The following DLG1 variants were observed in gnomAD, a reference collection of about 807,000 sequenced individuals.
The protein encoded by DLG1 is discs large MAGUK scaffold protein 1.
In DLG1, 42 loss-of-function variants were observed where a neutral mutation model predicts 123.4. That is an observed-to-expected ratio of 0.34 (90% CI 0.27 to 0.44). The LOEUF (loss-of-function observed/expected upper bound fraction) is 0.44. Ranked by LOEUF, DLG1 falls within the 20% of genes least tolerant of loss-of-function variation. The probability of loss-of-function intolerance (pLI) is 1.00; values close to 1 mark genes in which losing one functional copy is unlikely to be tolerated. For missense variants in DLG1, 942 were observed against 1,082.6 expected (o/e 0.87, Z 1.82); for synonymous variants, 317 against 356.2 (o/e 0.89, Z 1.24).
At chr3:197,243,466 C>T (rs1749996265) in intron 4 of DLG1, among the ~76,000 whole-genome samples, 2 of 152,134 alleles carry the variant, frequency 1.3e-5, no homozygotes, top group African/African-American at 4.8e-5. Flanking sequence ...CTGTTCCTCA[C>T]TGTCTAGAAG....
chr3:197,196,714 A>T (rs977456805), intron 4 of DLG1, among the ~76,000 whole-genome samples: 3 of 152,242 alleles, frequency 2.0e-5, no homozygotes, highest in African/African-American at 7.2e-5. Context: ...CACAGAAGTT[A>T]AACTGACCAA....
Position 197,085,606 on chromosome 3 carries a change from C to T in DLG1, c.1812G>A (p.Glu604=). The T allele has an allele frequency of 6.2e-7, 1 of 1,613,956 alleles. No individual in the cohort carries two copies. The highest frequency in any genetic ancestry group is 8.5e-7 in the Non-Finnish European group (1 of 1,179,980). The change falls in exon 16 of 25, where the codon GAG becomes GAA. Residue 604 remains glutamate (E), a synonymous_variant. Coordinates refer to ENST00000667157, the MANE Select transcript of DLG1 (RefSeq NM_001366207.1). ...TGCGTTTACTGGGAATCACTCCGAC[C>T]TCATCGCTCTCACCATCTGGTGTAA... is the stretch of plus-strand genomic sequence containing the variant. ...RQVTPDGESD[E]VGVIPSKRRV...
intron 3 of DLG1, among the ~76,000 whole-genome samples, chr3:197,286,732 C>T (rs1772041362): frequency 6.6e-6 from 1 of 152,072 alleles, no homozygotes; most frequent in South Asian, 2.1e-4. Context: ...AACAAATATA[C>T]CACACTAATG....
intron 5 of DLG1, among the ~76,000 whole-genome samples, chr3:197,164,240 T>C (rs1800153571): frequency 6.7e-6 from 1 of 148,190 alleles, no homozygotes; most frequent in African/African-American, 2.5e-5. Context: ...AAAAAAAAAA[T>C]ACAAAAATTA....
chr3:197,124,865 T>A (rs1778231970), intron 11 of DLG1, among the ~76,000 whole-genome samples: 1 of 152,168 alleles, frequency 6.6e-6, no homozygotes, highest in Admixed American at 6.5e-5. Flanking sequence ...CCCTCCTATT[T>A]CCTTCAGATA....
intron 6 of DLG1, among the ~76,000 whole-genome samples, chr3:197,148,965 C>A (rs537181026): frequency 6.6e-6 from 1 of 152,264 alleles, no homozygotes; most frequent in South Asian, 2.1e-4. Flanking sequence ...CTTTTGATAA[C>A]ATAATGTTTA....
rs148989324 is a variant in DLG1 at position 197,106,808 on chromosome 3, C to T, written c.1444-1803G>A. Among the ~76,000 whole-genome samples, 786 of 152,202 alleles carry T rather than the reference C, an allele frequency of 5.2e-3. 6 individuals are homozygous for T. Among genetic ancestry groups the T allele is most frequent in the African/African-American group, 0.018 (741 of 41,536 alleles). ...AGAAATTCCAGTACTGAGAGAGATA[C>T]TTGTATAAATAGCCTTAGAGTCACT... On this transcript the variant is annotated intron_variant, in intron 13 of 24. Coordinates refer to ENST00000667157, the MANE Select transcript of DLG1 (RefSeq NM_001366207.1).
intron 11 of DLG1, among the ~76,000 whole-genome samples, chr3:197,128,197 T>G (rs887724909): frequency 6.6e-6 from 1 of 152,260 alleles, no homozygotes; most frequent in African/African-American, 2.4e-5. Flanking sequence ...TCTTAAACCC[T>G]ACTGCTGCTT....
intron 14 of DLG1, among the ~76,000 whole-genome samples, chr3:197,093,168 TTTG>T (rs1758692556): frequency 2.0e-5 from 3 of 152,056 alleles, no homozygotes; most frequent in Admixed American, 2.0e-4. Context: ...TTCTTTTCTT[TTTG>T]TTTTTTCAGA....
At chr3:197,109,967 T>C (rs1303917278) in intron 13 of DLG1, among the ~76,000 whole-genome samples, 4 of 151,622 alleles carry the variant, frequency 2.6e-5, no homozygotes. Flanking sequence ...TGTGTCTATG[T>C]TGTAGATCTC....
chr3:197,154,591 C>T (rs1197288506), intron 5 of DLG1, among the ~76,000 whole-genome samples: 4 of 151,816 alleles, frequency 2.6e-5, no homozygotes, highest in Non-Finnish European at 4.4e-5. Context: ...AGGAGAATGG[C>T]GTGAACCCGG....
intron 11 of DLG1, among the ~76,000 whole-genome samples, chr3:197,124,832 G>GT (rs1316991321): frequency 1.3e-5 from 2 of 152,098 alleles, no homozygotes; most frequent in Non-Finnish European, 2.9e-5. Flanking sequence ...TGTTAGAGAG[G>GT]TATCTTAAGA....
chr3:197,053,538 G>A (rs1044894485), intron 23 of DLG1, among the ~76,000 whole-genome samples: 1 of 152,032 alleles, frequency 6.6e-6, no homozygotes, highest in African/African-American at 2.4e-5. Context: ...TTGGGAGGCC[G>A]AGGCAGGCGG....
intron 5 of DLG1, among the ~76,000 whole-genome samples, chr3:197,187,510 TTC>T (rs1309121380): frequency 6.6e-6 from 1 of 152,224 alleles, no homozygotes; most frequent in African/African-American, 2.4e-5. Context: ...ACCCTGTTTT[TTC>T]TGTTTGATTT....
chr3:197,067,903 C>T (rs569471253), intron 19 of DLG1, among the ~76,000 whole-genome samples: 1 of 152,222 alleles, frequency 6.6e-6, no homozygotes, highest in East Asian at 1.9e-4. Context: ...CCCCCCTCAC[C>T]CCCACGCCTA....
intron 5 of DLG1, among the ~76,000 whole-genome samples, chr3:197,193,600 T>C (rs1456061702): frequency 6.6e-6 from 1 of 152,180 alleles, no homozygotes; most frequent in Non-Finnish European, 1.5e-5. Context: ...AATTTATCAA[T>C]GTGAGGAATG....
chr3:197,085,522 T>G (rs918335740), intron 16 of DLG1, 58 bp downstream of exon 16: 1 of 1,576,772 alleles, frequency 6.3e-7, no homozygotes, highest in African/African-American at 1.4e-5. Flanking sequence ...AAAAAAAATT[T>G]AAAAGAACAT....
chr3:197,045,829 C>T (rs1386286848), intron 24 of DLG1, among the ~76,000 whole-genome samples: 1 of 152,080 alleles, frequency 6.6e-6, no homozygotes, highest in African/African-American at 2.4e-5. Context: ...CAAAAAAATG[C>T]CCAGTGATCT....
intron 6 of DLG1, among the ~76,000 whole-genome samples, chr3:197,145,510 C>G (rs1790295034): frequency 6.6e-6 from 1 of 152,210 alleles, no homozygotes; most frequent in South Asian, 2.1e-4. Context: ...GCTAGCTGCA[C>G]TGAGCTCCAT....
Sources: gnomAD v4.1 joint callset for allele counts (sites outside exome capture counted in the v4.1 genomes callset) on GRCh38, gnomAD v4.1.1 for gene constraint, MANE v1.5 for transcripts, NCBI Gene and HGNC (gene_info 2026-07-23, HGNC 2026-07-21) for gene names.